The following BPI variants were observed in gnomAD, a reference collection of about 807,000 sequenced individuals.
BPI encodes bactericidal permeability increasing protein.
In BPI, 48 loss-of-function variants were observed where a neutral mutation model predicts 57.6. The observed-to-expected ratio is 0.83, with a 90% CI of 0.66 to 1.06. BPI has a LOEUF of 1.06. Among genes scored for constraint, BPI ranks in the 50% least tolerant of loss-of-function variants. BPI has a pLI of 0.00. For missense variants in BPI, 651 were observed against 609.7 expected, an observed-to-expected ratio of 1.07 and a Z score of -0.71; for synonymous variants, 237 against 238.2, an observed-to-expected ratio of 0.99 and a Z score of 0.05.
intron 14 of BPI, among the ~76,000 whole-genome samples, chr20:38,336,020 C>G (rs142452338): frequency 7.5e-4 from 114 of 152,282 alleles, no homozygotes; most frequent in African/African-American, 2.6e-3. Context: ...CCTTTTGCAC[C>G]CAGCATCATA....
intron 5 of BPI, among the ~76,000 whole-genome samples, chr20:38,314,781 A>G (rs2076643874): frequency 7.5e-6 from 1 of 132,526 alleles, no homozygotes; most frequent in Non-Finnish European, 1.6e-5. Flanking sequence ...GGGGATGATG[A>G]TGATGGTGGT....
At chr20:38,311,496 C>T (rs891964916) in intron 4 of BPI, among the ~76,000 whole-genome samples, 23 of 152,116 alleles carry the variant, frequency 1.5e-4, no homozygotes, top group Admixed American at 1.2e-3. Flanking sequence ...GATAAGTAGG[C>T]ATTAGTTAGG....
chr20:38,326,713 T>C (rs1012858737), intron 10 of BPI, among the ~76,000 whole-genome samples: 1 of 152,268 alleles, frequency 6.6e-6, no homozygotes, highest in South Asian at 2.1e-4. Context: ...GAAATATGTG[T>C]ACTGTTCCAA....
chr20:38,310,823 C>T (rs2076618526), intron 4 of BPI, among the ~76,000 whole-genome samples, 171 bp downstream of exon 4: 1 of 152,236 alleles, frequency 6.6e-6, no homozygotes, highest in Non-Finnish European at 1.5e-5. Flanking sequence ...GACACTGTCT[C>T]TTTCTCAAGG....
chr20:38,308,798 G>A, intron 2 of BPI, 132 bp from the exon 3 acceptor site: 4 of 1,238,166 alleles, frequency 3.2e-6, no homozygotes, highest in Non-Finnish European at 4.5e-6. Flanking sequence ...CTTAGCTTTG[G>A]GCTCCTCCTG....
intron 11 of BPI, among the ~76,000 whole-genome samples, chr20:38,328,951 AG>A (rs1359081120): frequency 1.3e-5 from 2 of 152,096 alleles, no homozygotes; most frequent in African/African-American, 4.8e-5. Flanking sequence ...GGCTGCAGTG[AG>A]CCATGTTCCA....
At chr20:38,321,415 G>A (rs932981950) in intron 7 of BPI, among the ~76,000 whole-genome samples, 2 of 152,014 alleles carry the variant, frequency 1.3e-5, no homozygotes, top group South Asian at 2.1e-4. Context: ...TCACCTCAGG[G>A]CATTTGTCCT....
At chr20:38,330,038 G>A (rs966238176) in intron 11 of BPI, among the ~76,000 whole-genome samples, 10 of 152,066 alleles carry the variant, frequency 6.6e-5, no homozygotes, top group African/African-American at 2.4e-4. Flanking sequence ...TATAGCCTGG[G>A]CAACATAGTG....
chr20:38,334,407 C>T (rs868134048), intron 12 of BPI, 23 bp from the exon 13 acceptor site: 2 of 1,609,692 alleles, frequency 1.2e-6, no homozygotes. Flanking sequence ...GGGCCATCCT[C>T]CCATCCTCCC....
intron 1 of BPI, among the ~76,000 whole-genome samples, 183 bp from the exon 2 acceptor site, chr20:38,307,384 C>T (rs2076601837): frequency 6.6e-6 from 1 of 152,114 alleles, no homozygotes; most frequent in Admixed American, 6.5e-5. Flanking sequence ...AATATGGTTT[C>T]CTATAAAGGG....
intron 7 of BPI, among the ~76,000 whole-genome samples, chr20:38,322,404 TG>T (rs989110953): frequency 1.3e-5 from 2 of 152,258 alleles, no homozygotes; most frequent in African/African-American, 4.8e-5. Context: ...GTTTATCTCC[TG>T]GGCTCCTGCC....
At chr20:38,311,404 C>G (rs73285007) in intron 4 of BPI, among the ~76,000 whole-genome samples, 137 of 152,330 alleles carry the variant, frequency 9.0e-4, no homozygotes, top group African/African-American at 3.2e-3. Flanking sequence ...CTTCTATGAA[C>G]GCAGAGAACC....
At chr20:38,321,479 G>T (rs554894545) in intron 7 of BPI, among the ~76,000 whole-genome samples, 2 of 151,826 alleles carry the variant, frequency 1.3e-5, no homozygotes, top group South Asian at 2.1e-4. Context: ...CCTCTACCCC[G>T]CTGGCTTCTT....
At chr20:38,328,505 G>A (rs1035838926) in intron 11 of BPI, among the ~76,000 whole-genome samples, 1 of 151,646 alleles carries the variant, frequency 6.6e-6, no homozygotes, top group Non-Finnish European at 1.5e-5. Context: ...AGCCGAGATC[G>A]CCCCATTGCA....
chr20:38,317,833 A>C (rs764796064), intron 5 of BPI: 22 of 1,503,034 alleles, frequency 1.5e-5, no homozygotes, highest in Non-Finnish European at 1.7e-5. Context: ...GGCCCAAGTC[A>C]GATTTTCTCA....
In BPI at chr20:38,319,214, G is replaced by A. The variant is rs527776938; in HGVS notation, c.664+738G>A. 2.6e-5 allele frequency among the ~76,000 whole-genome samples: 4 copies of A among 152,272 alleles called. No individual in the cohort carries two copies. In the South Asian group the frequency reaches 8.3e-4, roughly 32 times the overall value. On this transcript the variant is annotated intron_variant, in intron 6 of 14. Coordinates refer to ENST00000642449, the MANE Select transcript of BPI (RefSeq NM_001725.3). ...CATGCCACTGCACTCCAGCCTGGGT[G>A]ACAGAGCAAGACTCTGTCTCAAAAA... is the stretch of plus-strand genomic sequence containing the variant.
At chr20:38,304,835 C>T (rs1367057566) in intron 1 of BPI, among the ~76,000 whole-genome samples, 4 of 152,208 alleles carry the variant, frequency 2.6e-5, no homozygotes, top group East Asian at 3.9e-4. Flanking sequence ...AGAGGGTCCC[C>T]CCAGACCACT....
At chr20:38,323,661 A>G (rs2076697614) in intron 7 of BPI, among the ~76,000 whole-genome samples, 1 of 152,248 alleles carries the variant, frequency 6.6e-6, no homozygotes, top group Non-Finnish European at 1.5e-5. Context: ...TAAGATGAGC[A>G]TAATTATACC....
chr20:38,331,679 T>C (rs1457956779), intron 12 of BPI, among the ~76,000 whole-genome samples: 1 of 151,872 alleles, frequency 6.6e-6, no homozygotes, highest in African/African-American at 2.4e-5. Flanking sequence ...CCTCATCTCT[T>C]ATAAAAAATA....
Sources: allele counts gnomAD v4.1 joint callset (sites outside exome capture counted in the v4.1 genomes callset), GRCh38; gene constraint gnomAD v4.1.1; transcripts MANE v1.5; gene names NCBI Gene and HGNC (gene_info 2026-07-23, HGNC 2026-07-21).